NAP1L1: variants seen among roughly 807,000 people sequenced by gnomAD.
NAP1L1 encodes nucleosome assembly protein 1 like 1.
NAP1L1 carries 9 observed loss-of-function variants against 58.9 expected under a neutral mutation model. The ratio of observed to expected loss-of-function variants is 0.15; its 90% confidence interval spans 0.09 to 0.27. The LOEUF (loss-of-function observed/expected upper bound fraction) is 0.27. Among genes scored for constraint, NAP1L1 ranks in the 10% least tolerant of loss-of-function variants. The probability of loss-of-function intolerance (pLI) is 1.00; values close to 1 mark genes in which losing one functional copy is unlikely to be tolerated. For missense variants in NAP1L1, 302 were observed against 458.8 expected (o/e 0.66, Z 3.12); for synonymous variants, 130 against 138.3 (o/e 0.94, Z 0.42).
At chr12:76,056,388 A>C in intron 6 of NAP1L1, 1 of 456,918 alleles carries the variant, frequency 2.2e-6, no homozygotes, top group East Asian at 4.2e-5. Flanking sequence ...TGTAGGAAAA[A>C]CCATTTTAGT....
chr12:76,055,199 T>C, intron 7 of NAP1L1, 109 bp from the exon 8 acceptor site: 2 of 676,048 alleles, frequency 3.0e-6, no homozygotes, highest in Admixed American at 6.5e-5. Flanking sequence ...AAAGTAGTTT[T>C]GTATAGCAAT....
At chr12:76,050,790 G>A in intron 11 of NAP1L1, 137 bp from the exon 12 acceptor site, 7 of 836,474 alleles carry the variant, frequency 8.4e-6, no homozygotes, top group Non-Finnish European at 1.2e-5. Flanking sequence ...AAAGTAGGAG[G>A]ATCACTTGAG....
At position 76,065,363 on chromosome 12, in the gene NAP1L1, A is replaced by G. The variant is rs61926780; in HGVS notation, c.206+2008T>C. ...GACAAAGAATACTAATGTTTAACAC[A>G]GTAGTGAAAGTCCTGGTAATGTTGT... On this transcript the variant is annotated intron_variant, in intron 4 of 14. Transcript: ENST00000618691. 7.6e-3 allele frequency among the ~76,000 whole-genome samples: 1,163 copies of G among 152,222 alleles called. 8 individuals carry two copies. The highest frequency in any genetic ancestry group is 0.012 in the Non-Finnish European group (791 of 67,936).
At chr12:76,058,630 C>T (rs1184615661) in intron 6 of NAP1L1, among the ~76,000 whole-genome samples, 2 of 152,072 alleles carry the variant, frequency 1.3e-5, no homozygotes, top group Non-Finnish European at 2.9e-5. Flanking sequence ...TAGTGATTGG[C>T]CCACCTAGGC....
At chr12:76,049,465 A>C in intron 13 of NAP1L1, 1 of 1,535,676 alleles carries the variant, frequency 6.5e-7, no homozygotes, top group Non-Finnish European at 8.7e-7. Context: ...GAAAATAGTT[A>C]CTGCAGCCAA....
intron 7 of NAP1L1, among the ~76,000 whole-genome samples, chr12:76,055,561 A>AG (rs1015603951): frequency 2.5e-4 from 38 of 152,224 alleles, no homozygotes; most frequent in African/African-American, 9.2e-4. Context: ...TGTAGACGGT[A>AG]GGGGCTCACT....
chr12:76,061,025 CG>C, intron 4 of NAP1L1: 2 of 443,310 alleles, frequency 4.5e-6, no homozygotes, highest in Non-Finnish European at 9.0e-6. Flanking sequence ...CCTGGGATGT[CG>C]AGGCTGAATT....
rs1346500788 is a variant in NAP1L1 at position 76,042,142 on chromosome 12, TACACTGA to T, written c.*6280_*6286del. The T allele has an allele frequency of 6.6e-6, 1 of 152,186 alleles. No homozygotes were observed. Among genetic ancestry groups the T allele is most frequent in the African/African-American group, 2.4e-5 (1 of 41,440 alleles). The allele number at this position is 152,186 out of a possible 1,614,324, so 9.4% of individuals were successfully genotyped here. On this transcript the variant is annotated 3_prime_UTR_variant, in exon 15 of 15. Transcript: ENST00000618691. ...CAGTCTTAGTCTCAGTGTTCTTATGTACACTGAGTAATGCATCCCTTACACCTAGGAG... is the reference window on the plus strand; with the variant it reads ...CAGTCTTAGTCTCAGTGTTCTTATGTGTAATGCATCCCTTACACCTAGGAG...
At chr12:76,058,859 G>A (rs947495358) in intron 6 of NAP1L1, among the ~76,000 whole-genome samples, 4 of 152,188 alleles carry the variant, frequency 2.6e-5, no homozygotes, top group African/African-American at 9.7e-5. Flanking sequence ...TGAGATGGGT[G>A]AGAATCTAAT....
Position 76,067,427 on chromosome 12 carries a change from T to C in NAP1L1, c.150A>G (p.Ala50=). 6.2e-7 allele frequency: 1 copy of C among 1,609,672 alleles called. No individual in the cohort carries two copies. The highest frequency in any genetic ancestry group is 8.5e-7 in the Non-Finnish European group (1 of 1,177,328). ...GACCATCAAGTCTTTCTTGAAGGGC[T>C]GCAAGAATCTGAGGATTTTGCATCA... ...VQMMQNPQIL[A]ALQERLDGLV... is the part of the protein sequence containing the mutation. Residue 50 remains alanine, a synonymous_variant, in exon 4 of 15, where the codon GCA becomes GCG. Coordinates refer to ENST00000618691, the MANE Select transcript of NAP1L1 (RefSeq NM_004537.7).
intron 6 of NAP1L1, 173 bp from the exon 7 acceptor site, chr12:76,056,334 G>T: frequency 1.7e-6 from 1 of 583,482 alleles, no homozygotes. Context: ...CAAAATTACT[G>T]CTACCACACC....
rs1467009683 is a variant in NAP1L1 at position 76,036,841 on chromosome 12, G to A, written c.*11588C>T. ...TAATCCCAACACTTTGGGAGGCTGA[G>A]GCAGGCGGATTGCCTGAGGTCAGGA... On this transcript the variant is annotated 3_prime_UTR_variant, in exon 15 of 15. Transcript: ENST00000618691. The A allele has an allele frequency of 6.6e-6, 1 of 152,168 alleles. No homozygotes were observed. The highest frequency in any genetic ancestry group is 1.5e-5 in the Non-Finnish European group (1 of 68,042). The allele number at this position is 152,168 out of a possible 1,614,324, so 9.4% of individuals were successfully genotyped here. A position where few individuals can be genotyped will look rare whatever the true frequency, so the allele number is the denominator to read the frequency against.
rs576333041 is a variant in NAP1L1 at position 76,068,570 on chromosome 12, A to T, written c.103+339T>A. The T allele has an allele frequency of 2.9e-5, 5 of 174,682 alleles. No individual in the cohort carries two copies. The Admixed American group carries it at 3.1e-4, about 11-fold the overall frequency. 10.8% of individuals were successfully genotyped at this position (174,682 alleles called of 1,614,324 possible). A position where few individuals can be genotyped will look rare whatever the true frequency, so the allele number is the denominator to read the frequency against. ...ACTACATGTTCTCCATATATTAAAC[A>T]CTAAACATACTGTTATAAGCACCAC... On this transcript the variant is annotated intron_variant, in intron 3 of 14. Coordinates refer to ENST00000618691, the MANE Select transcript of NAP1L1 (RefSeq NM_004537.7).
At chr12:76,059,536 T>A in intron 6 of NAP1L1, 1 of 357,980 alleles carries the variant, frequency 2.8e-6, no homozygotes, top group Admixed American at 4.5e-5. Flanking sequence ...AAATAAGACT[T>A]GTGGTGTTTT....
Position 76,067,576 on chromosome 12 carries a change from A to T in NAP1L1, c.104-103T>A, listed in dbSNP as rs954608312. 124 of 839,642 alleles carry T rather than the reference A, an allele frequency of 1.5e-4. 1 individual carries two copies. Among genetic ancestry groups the T allele is most frequent in the Middle Eastern group, 9.2e-4 (4 of 4,354 alleles). The allele number at this position is 839,642 out of a possible 1,614,324, so 52.0% of individuals were successfully genotyped here. A position where few individuals can be genotyped will look rare whatever the true frequency, so the allele number is the denominator to read the frequency against. ...ATGAAGTTTTCCTAACTGGCCCATA[A>T]ATTGCTGGTATATCTAATGAGTAGA... is the stretch of plus-strand genomic sequence containing the variant. On this transcript the variant is annotated intron_variant, in intron 3 of 14. Transcript: ENST00000618691.
At chr12:76,080,858 A>C (rs1950376315) in intron 1 of NAP1L1, among the ~76,000 whole-genome samples, 1 of 152,142 alleles carries the variant, frequency 6.6e-6, no homozygotes, top group Non-Finnish European at 1.5e-5. Context: ...TCACAAACGA[A>C]TTAATCCATT....
intron 8 of NAP1L1, 79 bp from the exon 9 acceptor site, chr12:76,053,988 T>A: frequency 1.4e-6 from 2 of 1,381,854 alleles, no homozygotes; most frequent in Non-Finnish European, 2.0e-6. Context: ...GCTTCATCTG[T>A]TTTTATAAAT....
intron 13 of NAP1L1, 188 bp from the exon 14 acceptor site, chr12:76,049,438 T>C (rs1468245553): frequency 2.0e-6 from 3 of 1,535,692 alleles, no homozygotes; most frequent in Non-Finnish European, 2.6e-6. Context: ...ACTTGAGACA[T>C]CCAGACAGCT....
At position 76,044,356 on chromosome 12, in the gene NAP1L1, T is replaced by C. The variant is rs556196079; in HGVS notation, c.*4073A>G. On this transcript the variant is annotated 3_prime_UTR_variant, in exon 15 of 15. Transcript: ENST00000618691. ...AAGAAACTAAAAAGCAATGCTTTTA[T>C]GTAATATTTTATCCTGGGTTTCAAA... is the stretch of plus-strand genomic sequence containing the variant. 19 of 152,308 alleles carry C rather than the reference T, an allele frequency of 1.2e-4. No homozygotes were observed. The East Asian group carries it at 3.7e-3, about 29-fold the overall frequency. 9.4% of individuals were successfully genotyped at this position (152,308 alleles called of 1,614,324 possible). A position where few individuals can be genotyped will look rare whatever the true frequency, so the allele number is the denominator to read the frequency against.
Sources: gnomAD v4.1 joint callset for allele counts (sites outside exome capture counted in the v4.1 genomes callset) on GRCh38, gnomAD v4.1.1 for gene constraint, MANE v1.5 for transcripts, NCBI Gene and HGNC (gene_info 2026-07-23, HGNC 2026-07-21) for gene names.